GLIPR1L1: variants seen among roughly 807,000 people sequenced by gnomAD.
GLIPR1L1 encodes GLIPR1 like 1, also known as GLIPR1-like protein 1.
GLIPR1L1 carries 26 observed loss-of-function variants against 29.9 expected under a neutral mutation model. The ratio of observed to expected loss-of-function variants is 0.87; its 90% CI spans 0.64 to 1.21. The LOEUF (loss-of-function observed/expected upper bound fraction) is 1.21, where lower values mean the gene tolerates loss of function less well. Ranked by LOEUF, GLIPR1L1 falls within the 50% of genes most tolerant of loss-of-function variation. GLIPR1L1 has a pLI of 0.00. For missense variants in GLIPR1L1, 305 were observed against 290.3 expected (o/e 1.05, Z -0.37); for synonymous variants, 77 against 97.5 (o/e 0.79, Z 1.24).
At chr12:75,369,150 C>T (rs1049657141) in intron 4 of GLIPR1L1, among the ~76,000 whole-genome samples, 5 of 151,770 alleles carry the variant, frequency 3.3e-5, no homozygotes, top group African/African-American at 4.8e-5. Flanking sequence ...GGTGATTAAG[C>T]GTATTAAATA....
intron 1 of GLIPR1L1, among the ~76,000 whole-genome samples, chr12:75,339,556 A>G (rs1224405837): frequency 6.6e-6 from 1 of 152,108 alleles, no homozygotes; most frequent in Non-Finnish European, 1.5e-5. Context: ...GTTCACTCTG[A>G]TGATACTTTC....
chr12:75,363,152 T>C lies in GLIPR1L1; in HGVS notation c.572T>C (p.Leu191Pro). ...TACGTAAGAGGAGAATCTTGCTCTC[T>C]CTGCTCAAAAGAAGAGAAATGTGTA... ...PPYVRGESCS[L>P]CSKEEKCVKN... Residue 191 changes from leucine (L) to proline (P), a missense_variant, in exon 4 of 6, where the codon CTC becomes CCC. By Grantham distance (98) the Leu-to-Pro change is moderately conservative. Coordinates refer to ENST00000378695, the MANE Select transcript of GLIPR1L1 (RefSeq NM_001304964.2). The C allele has an allele frequency of 6.4e-7, 1 of 1,553,860 alleles. No homozygotes were observed. Among genetic ancestry groups the C allele is most frequent in the Non-Finnish European group, 8.6e-7 (1 of 1,157,286 alleles).
intron 1 of GLIPR1L1, among the ~76,000 whole-genome samples, chr12:75,340,202 G>A (rs1237437726): frequency 1.3e-5 from 2 of 150,390 alleles, no homozygotes; most frequent in East Asian, 1.9e-4. Flanking sequence ...TAACTTATTG[G>A]TTGATGGGCA....
At chr12:75,369,914 C>T in intron 4 of GLIPR1L1, 46 bp from the exon 5 acceptor site, 1 of 1,277,742 alleles carries the variant, frequency 7.8e-7, no homozygotes, top group Non-Finnish European at 1.0e-6. Flanking sequence ...AATATGTTTT[C>T]TTGTTTTATA....
intron 1 of GLIPR1L1, among the ~76,000 whole-genome samples, chr12:75,337,074 G>C (rs1185349826): frequency 1.3e-5 from 2 of 151,742 alleles, no homozygotes. Context: ...TGGAAACACA[G>C]CATATCAAAA....
intron 1 of GLIPR1L1, among the ~76,000 whole-genome samples, chr12:75,343,398 G>T (rs1453695222): frequency 3.3e-5 from 5 of 151,832 alleles, no homozygotes. Context: ...ACTAGACTTT[G>T]AATTCTGGCT....
intron 3 of GLIPR1L1, among the ~76,000 whole-genome samples, chr12:75,353,070 A>G (rs1451005926): frequency 2.0e-5 from 3 of 152,148 alleles, no homozygotes; most frequent in Non-Finnish European, 2.9e-5. Context: ...ACATCCTAAC[A>G]TCATAACTAA....
rs1428597855 is a variant in GLIPR1L1, at chr12:75,334,773, G to A, written c.45G>A (p.Leu15=). 4 of 1,613,568 alleles carry A rather than the reference G, an allele frequency of 2.5e-6. No homozygotes were observed. The Admixed American group carries it at 6.7e-5, about 27-fold the overall frequency. ...NKFSCLWILG[L]CLVATTSSKI... ...TCAGTTGTTTATGGATCTTGGGTCT[G>A]TGTTTGGTAGCCACTACATCTTCCA... is the stretch of plus-strand genomic sequence containing the variant. The change falls in exon 1 of 6, where the codon CTG becomes CTA. Residue 15 remains leucine, a synonymous_variant. Coordinates refer to ENST00000378695, the MANE Select transcript of GLIPR1L1 (RefSeq NM_001304964.2).
intron 4 of GLIPR1L1, chr12:75,367,088 T>G (rs1269098273): frequency 8.6e-6 from 6 of 695,144 alleles, no homozygotes; most frequent in Non-Finnish European, 1.6e-5. Flanking sequence ...CAACTGAGAT[T>G]AATTTGGGGA....
chr12:75,334,810 A>T lies in GLIPR1L1; in HGVS notation c.82A>T (p.Ile28Phe), dbSNP rs1229560482. The stretch of plus-strand genomic sequence containing the variant: ...CACTACATCTTCCAAAATCCCATCC[A>T]TCACTGACCCACACTTTATAGACAA... Reference protein sequence around the residue: ...VATTSSKIPSITDPHFIDNCI... With the variant: ...VATTSSKIPSFTDPHFIDNCI... The change falls in exon 1 of 6, where the codon ATC (isoleucine) becomes TTC (phenylalanine). Residue 28 changes from isoleucine (I) to phenylalanine (F), a missense_variant. By Grantham distance (21) the Ile-to-Phe change is conservative. Transcript: ENST00000378695. 1 of 1,614,118 alleles carries T rather than the reference A, an allele frequency of 6.2e-7. No homozygotes were observed. Among genetic ancestry groups the T allele is most frequent in the Non-Finnish European group, 8.5e-7 (1 of 1,180,006 alleles).
chr12:75,358,688 TTC>T (rs1229492206), intron 3 of GLIPR1L1, among the ~76,000 whole-genome samples: 1 of 147,356 alleles, frequency 6.8e-6, no homozygotes, highest in East Asian at 2.0e-4. Context: ...ATATTTGTGT[TTC>T]TTTTTGTTTT....
At chr12:75,338,773 C>A (rs1182993914) in intron 1 of GLIPR1L1, among the ~76,000 whole-genome samples, 1 of 152,082 alleles carries the variant, frequency 6.6e-6, no homozygotes, top group Non-Finnish European at 1.5e-5. Flanking sequence ...TGCCTACAGG[C>A]CCCAATGTGT....
Position 75,364,022 on chromosome 12 carries a change from C to T in GLIPR1L1, c.610+832C>T, listed in dbSNP as rs1394352151. ...TTACGATCAATAGAAAGGAATACCTCGGTTAAGATAAGGGGTTGTGGAGAC... is the reference window on the plus strand; with the variant it reads ...TTACGATCAATAGAAAGGAATACCTTGGTTAAGATAAGGGGTTGTGGAGAC... On this transcript the variant is annotated intron_variant, in intron 4 of 5. Coordinates refer to ENST00000378695, the MANE Select transcript of GLIPR1L1 (RefSeq NM_001304964.2). 7.2e-5 allele frequency among the ~76,000 whole-genome samples: 11 copies of T among 152,202 alleles called. No homozygotes were observed. In the East Asian group the frequency reaches 2.1e-3, roughly 29 times the overall value.
intron 3 of GLIPR1L1, among the ~76,000 whole-genome samples, chr12:75,350,078 G>A (rs150242237): frequency 1.1e-3 from 168 of 152,326 alleles, no homozygotes; most frequent in Non-Finnish European, 2.0e-3. Flanking sequence ...GACTGGTTTG[G>A]ACCAGGAGAA....
Position 75,370,371 on chromosome 12 carries a change from G to A in GLIPR1L1, c.*195G>A, listed in dbSNP as rs1481466279. On this transcript the variant is annotated 3_prime_UTR_variant, in exon 6 of 6. Transcript: ENST00000378695. ...GGATAGCAGTAGAATAAAGTCTTAA[G>A]ATTATTTTTTAATTACAAATCCATA... 4.6e-6 allele frequency: 2 copies of A among 435,872 alleles called. No homozygotes were observed. The highest frequency in any genetic ancestry group is 3.9e-5 in the African/African-American group (2 of 50,870). The allele number at this position is 435,872 out of a possible 1,614,324, so 27.0% of individuals were successfully genotyped here.
chr12:75,370,108 G>A lies in GLIPR1L1; in HGVS notation c.661G>A (p.Gly221Arg). 1 of 1,606,620 alleles carries A rather than the reference G, an allele frequency of 6.2e-7. No homozygotes were observed. Among genetic ancestry groups the A allele is most frequent in the African/African-American group, 1.3e-5 (1 of 74,906 alleles). The change falls in exon 6 of 6, where the codon GGG becomes AGG. Residue 221 changes from glycine to arginine, a missense_variant. Physicochemically the swap from Gly to Arg is moderately radical, Grantham distance 125. Coordinates refer to ENST00000378695, the MANE Select transcript of GLIPR1L1 (RefSeq NM_001304964.2). ...AGAAAATCCATTTCTGAAGCCAACG[G>A]GGAGAGCACCTCAGCAGACAGCCTT... ...PNQNPFLKPTGRAPQQTAFNP... is the reference protein window; with the variant it reads ...PNQNPFLKPTRRAPQQTAFNP...
chr12:75,359,178 A>T (rs1399352957), intron 3 of GLIPR1L1, among the ~76,000 whole-genome samples: 4 of 150,642 alleles, frequency 2.7e-5, no homozygotes, highest in Non-Finnish European at 3.0e-5. Context: ...CAGAAATTGA[A>T]TGAAAATAAC....
In GLIPR1L1 at chr12:75,370,326, T is replaced by G. The variant is rs1376799047; in HGVS notation, c.*150T>G. 7.3e-6 allele frequency: 4 copies of G among 548,984 alleles called. No homozygotes were observed. The highest frequency in any genetic ancestry group is 2.8e-5 in the East Asian group (1 of 35,274). 34.0% of individuals were successfully genotyped at this position (548,984 alleles called of 1,614,324 possible). ...TAATGTTTGTTTTTAACTCAAAAAATGTACTGTAGTATGGAAAATGGATAG... is the reference window on the plus strand; with the variant it reads ...TAATGTTTGTTTTTAACTCAAAAAAGGTACTGTAGTATGGAAAATGGATAG... On this transcript the variant is annotated 3_prime_UTR_variant, in exon 6 of 6. Transcript: ENST00000378695.
chr12:75,345,921 C>T (rs1480197181), intron 2 of GLIPR1L1, among the ~76,000 whole-genome samples: 1 of 152,272 alleles, frequency 6.6e-6, no homozygotes, highest in East Asian at 1.9e-4. Context: ...CTAGTTTACA[C>T]ACAAGGTTAA....
Sources: allele counts gnomAD v4.1 joint callset (sites outside exome capture counted in the v4.1 genomes callset), GRCh38; gene constraint gnomAD v4.1.1; transcripts MANE v1.5; gene names NCBI Gene and HGNC (gene_info 2026-07-23, HGNC 2026-07-21).